Variants in ADD3 observed in about 807,000 individuals in gnomAD.
ADD3 encodes adducin 3, also known as gamma-adducin.
A neutral mutation model predicts 80.2 loss-of-function variants in ADD3; 25 were observed. The observed-to-expected ratio is 0.31, with a 90% CI of 0.23 to 0.44. ADD3 has a LOEUF of 0.44. Ranked by LOEUF, ADD3 falls within the 20% of genes least tolerant of loss-of-function variation. The pLI, the probability that ADD3 is intolerant of heterozygous loss-of-function variation, is 1.00. For synonymous variants in ADD3, 284 were observed against 289.6 expected, an observed-to-expected ratio of 0.98 and a Z score of 0.20; for missense variants, 829 against 847.5, an observed-to-expected ratio of 0.98 and a Z score of 0.27.
intron 1 of ADD3, among the ~76,000 whole-genome samples, chr10:110,037,645 T>C (rs1382380057): frequency 6.6e-6 from 1 of 152,036 alleles, no homozygotes; most frequent in Non-Finnish European, 1.5e-5. Context: ...TAATATTTAT[T>C]TCAAAAGTCA....
chr10:110,038,483 T>A (rs1276458690), intron 1 of ADD3, among the ~76,000 whole-genome samples: 1 of 152,238 alleles, frequency 6.6e-6, no homozygotes, highest in Non-Finnish European at 1.5e-5. Flanking sequence ...TTAACATTTG[T>A]CCTTAATCAT....
chr10:110,086,070 A>G (rs919188341), intron 1 of ADD3, among the ~76,000 whole-genome samples: 15 of 151,818 alleles, frequency 9.9e-5, no homozygotes, highest in Non-Finnish European at 2.1e-4. Flanking sequence ...ATGCCATCGC[A>G]CTCCAGCCTG....
intron 1 of ADD3, among the ~76,000 whole-genome samples, chr10:110,078,963 T>C (rs1027788585): frequency 6.6e-6 from 1 of 152,202 alleles, no homozygotes; most frequent in African/African-American, 2.4e-5. Context: ...TCTCCATTAA[T>C]ACTCTTATCT....
In ADD3 at chr10:110,119,960, G is replaced by T. The variant is rs373694438; in HGVS notation, c.960+396G>T. Among the ~76,000 whole-genome samples, 20 of 152,294 alleles carry T rather than the reference G, an allele frequency of 1.3e-4. 1 individual carries two copies. In the South Asian group the frequency reaches 3.7e-3, roughly 28 times the overall value. Reference sequence around the variant, plus strand: ...CTAGGTCCAGAAGTTATATGAAATTGCAGTTTTCAACAATTCCACAGCCTC... The same window carrying T: ...CTAGGTCCAGAAGTTATATGAAATTTCAGTTTTCAACAATTCCACAGCCTC... On this transcript the variant is annotated intron_variant, in intron 8 of 14. Coordinates refer to ENST00000356080, the MANE Select transcript of ADD3 (RefSeq NM_016824.5).
At chr10:110,080,196 G>A (rs1039562783) in intron 1 of ADD3, among the ~76,000 whole-genome samples, 9 of 152,196 alleles carry the variant, frequency 5.9e-5, no homozygotes, top group Non-Finnish European at 1.3e-4. Context: ...AGCAGTGAAA[G>A]AACATTGGGT....
intron 1 of ADD3, among the ~76,000 whole-genome samples, chr10:110,042,702 T>TC (rs397713203): frequency 2.4e-4 from 36 of 150,768 alleles, no homozygotes; most frequent in Non-Finnish European, 3.0e-4. Flanking sequence ...TTTTTTTTTT[T>TC]CCATCAGTTT....
Position 110,132,343 on chromosome 10 carries a change from G to A in ADD3, c.1771G>A (p.Val591Ile), listed in dbSNP as rs114935406. 6.2e-7 allele frequency: 1 copy of A among 1,613,862 alleles called. No individual in the cohort carries two copies. Among genetic ancestry groups the A allele is most frequent in the Non-Finnish European group, 8.5e-7 (1 of 1,179,918 alleles). ...ATTACTCTCAGATGACGCTTCATCT[G>A]TTTCACAAATTCAGTCTCAAACTCA... is the stretch of plus-strand genomic sequence containing the variant. ...QELLSDDASS[V>I]SQIQSQTQSP... Residue 591 changes from valine to isoleucine, a missense_variant, in exon 14 of 15, where the codon GTT becomes ATT. Val to Ile is a conservative substitution (Grantham distance 29). Transcript: ENST00000356080.
intron 1 of ADD3, among the ~76,000 whole-genome samples, chr10:110,043,826 A>G (rs1856629227): frequency 6.6e-6 from 1 of 152,224 alleles, no homozygotes; most frequent in Admixed American, 6.5e-5. Context: ...TACAGTAAAA[A>G]GTACAGATTA....
intron 1 of ADD3, among the ~76,000 whole-genome samples, chr10:110,082,535 C>G (rs1314398841): frequency 6.6e-6 from 1 of 152,174 alleles, no homozygotes; most frequent in East Asian, 1.9e-4. Context: ...GTTTACTTCT[C>G]TCCACAATTA....
Position 110,100,664 on chromosome 10 carries a change from A to G in ADD3, c.11A>G (p.Asp4Gly). 8 of 1,608,708 alleles carry G rather than the reference A, an allele frequency of 5.0e-6. No individual in the cohort carries two copies. The highest frequency in any genetic ancestry group is 6.8e-6 in the Non-Finnish European group (8 of 1,177,764). Residue 4 changes from aspartate to glycine, a missense_variant, in exon 2 of 15, where the codon GAT becomes GGT. By Grantham distance (94) the Asp-to-Gly change is moderately conservative. Transcript: ENST00000356080. ...CCACAGACTTAAAACATGAGCTCAG[A>G]TGCCAGCCAAGGCGTGATTACCACT... is the stretch of plus-strand genomic sequence containing the variant. MSS[D>G]ASQGVITTPP...
At chr10:110,113,823 G>A (rs929553074) in intron 3 of ADD3, among the ~76,000 whole-genome samples, 3 of 152,174 alleles carry the variant, frequency 2.0e-5, no homozygotes, top group African/African-American at 7.2e-5. Context: ...TCAACTTTGG[G>A]CATGCTCCAT....
rs376996160 is a variant in ADD3 at position 110,046,954 on chromosome 10, G to T, written c.-30+38655G>T. On this transcript the variant is annotated intron_variant, in intron 1 of 14. Transcript: ENST00000356080. ...TGTATTGAAGCATTGCTGAAGTTCA[G>T]TGATTCTGAAGTGATGTCTACTATA... 1.4e-4 allele frequency among the ~76,000 whole-genome samples: 21 copies of T among 152,144 alleles called. No individual in the cohort carries two copies. The South Asian group carries it at 2.1e-3, about 15-fold the overall frequency.
chr10:110,127,748 C>T (rs75080940), intron 12 of ADD3, among the ~76,000 whole-genome samples: 2,761 of 152,318 alleles, frequency 0.018, 98 homozygotes, highest in African/African-American at 0.063. Flanking sequence ...GCCAGCTGCA[C>T]AGGTTCATCT....
chr10:110,049,113 G>A lies in ADD3; in HGVS notation c.-30+40814G>A, dbSNP rs182992601. On this transcript the variant is annotated intron_variant, in intron 1 of 14. Transcript: ENST00000356080. ...ACAGCTCATGCTGTGGCCTCAGAGG[G>A]TGCAAGCCCCAACCTTGGCAGCTTC... 5.2e-3 allele frequency among the ~76,000 whole-genome samples: 788 copies of A among 152,348 alleles called. 4 individuals are homozygous for A. The highest frequency in any genetic ancestry group is 8.2e-3 in the Non-Finnish European group (556 of 68,030).
At chr10:109,999,925 T>G (rs1336081777) in intron 1 of ADD3, among the ~76,000 whole-genome samples, 6 of 150,848 alleles carry the variant, frequency 4.0e-5, no homozygotes, top group Admixed American at 3.9e-4. Context: ...GGTTGTTTTT[T>G]TTTTTTTTTT....
chr10:110,107,042 TTATATC>T (rs1434437580), intron 2 of ADD3, among the ~76,000 whole-genome samples: 1 of 152,110 alleles, frequency 6.6e-6, no homozygotes, highest in Non-Finnish European at 1.5e-5. Context: ...TTCACTTTCT[TTATATC>T]TAGGAAAATG....
rs1229089305 is a variant in ADD3 at position 110,134,123 on chromosome 10, T to C, written c.*505T>C. The stretch of plus-strand genomic sequence containing the variant: ...GCATTAGTATACACTGGCACATAAT[T>C]TTTTAAAAAGTTTTAAGAAAAGATT... On this transcript the variant is annotated 3_prime_UTR_variant, in exon 15 of 15. Transcript: ENST00000356080. 6.6e-6 allele frequency: 1 copy of C among 152,584 alleles called. No individual in the cohort carries two copies. The allele number at this position is 152,584 out of a possible 1,614,324, so 9.5% of individuals were successfully genotyped here.
intron 1 of ADD3, among the ~76,000 whole-genome samples, chr10:110,070,452 T>A (rs940218895): frequency 2.0e-5 from 3 of 147,410 alleles, no homozygotes; most frequent in Non-Finnish European, 4.5e-5. Context: ...AATATAAATT[T>A]AAAAAATCTA....
intron 1 of ADD3, among the ~76,000 whole-genome samples, chr10:110,012,351 G>GT (rs1852432021): frequency 6.6e-6 from 1 of 152,236 alleles, no homozygotes; most frequent in African/African-American, 2.4e-5. Context: ...CATGTTAAAT[G>GT]TTAAGAAAGT....
Sources: allele counts gnomAD v4.1 joint callset (sites outside exome capture counted in the v4.1 genomes callset), GRCh38; gene constraint gnomAD v4.1.1; transcripts MANE v1.5; gene names NCBI Gene and HGNC (gene_info 2026-07-23, HGNC 2026-07-21).